Variants in RTF1 observed in about 807,000 individuals in gnomAD.
RTF1 encodes RNA polymerase-associated protein RTF1 homolog.
In RTF1, 10 loss-of-function variants were observed where a neutral mutation model predicts 95.7. The ratio of observed to expected loss-of-function variants is 0.10; its 90% CI spans 0.06 to 0.18. The LOEUF is 0.18. RTF1 is among the 10% of genes least tolerant of loss of function. The probability of loss-of-function intolerance (pLI) is 1.00; values close to 1 mark genes in which losing one functional copy is unlikely to be tolerated. For synonymous variants in RTF1, 305 were observed against 311.8 expected (o/e 0.98, Z 0.23); for missense variants, 458 against 875.6 (o/e 0.52, Z 6.02).
Position 41,476,539 on chromosome 15 carries a change from C to A in RTF1, c.1560+16C>A. Reference sequence around the variant, plus strand: ...GAAGGAAAAGGTAAGGAGTTGTACTCGAGCCTCTTTCCTCATCCTGTAAGG... The same window carrying A: ...GAAGGAAAAGGTAAGGAGTTGTACTAGAGCCTCTTTCCTCATCCTGTAAGG... On this transcript the variant is annotated intron_variant, in intron 12 of 17. Coordinates refer to ENST00000389629, the MANE Select transcript of RTF1 (RefSeq NM_015138.5). 1.9e-6 allele frequency: 3 copies of A among 1,604,028 alleles called. No homozygotes were observed. In the South Asian group the frequency reaches 3.3e-5, roughly 18 times the overall value.
At chr15:41,452,879 C>G (rs777168470) in intron 2 of RTF1, 22 bp from the exon 3 acceptor site, 21 of 1,534,944 alleles carry the variant, frequency 1.4e-5, no homozygotes, top group East Asian at 4.6e-5. Context: ...TTTCAGTCTT[C>G]CTTTTTCTTT....
intron 15 of RTF1, 140 bp downstream of exon 15, chr15:41,478,765 A>G: frequency 1.4e-6 from 1 of 735,210 alleles, no homozygotes; most frequent in Admixed American, 2.4e-5. Flanking sequence ...GGGTCTGGAT[A>G]CTTCCTTTTT....
intron 1 of RTF1, among the ~76,000 whole-genome samples, chr15:41,434,652 G>C (rs2050692672): frequency 6.6e-6 from 1 of 150,978 alleles, no homozygotes; most frequent in Non-Finnish European, 1.5e-5. Context: ...TTTTGAGATG[G>C]AGTCTTGCAC....
chr15:41,474,142 G>C (rs574564132), intron 8 of RTF1, among the ~76,000 whole-genome samples: 1 of 152,290 alleles, frequency 6.6e-6, no homozygotes, highest in Admixed American at 6.5e-5. Flanking sequence ...CTCCCAAAGT[G>C]CTGGAATTAC....
At chr15:41,452,780 A>G (rs2050795315) in intron 2 of RTF1, 121 bp from the exon 3 acceptor site, 1 of 706,926 alleles carries the variant, frequency 1.4e-6, no homozygotes, top group Non-Finnish European at 2.2e-6. Context: ...TTTTCATATG[A>G]AGTGTATTTG....
chr15:41,438,884 ATGAAAGCTAT>A (rs2050718423), intron 2 of RTF1, among the ~76,000 whole-genome samples: 2 of 151,676 alleles, frequency 1.3e-5, no homozygotes, highest in African/African-American at 4.8e-5. Context: ...AAATGGTGTA[ATGAAAGCTAT>A]TGAATGTCAT....
intron 11 of RTF1, 105 bp from the exon 12 acceptor site, chr15:41,476,341 C>A: frequency 1.2e-6 from 1 of 827,624 alleles, no homozygotes; most frequent in Non-Finnish European, 2.1e-6. Flanking sequence ...GTAGGAAGAG[C>A]AGCCCCTTTG....
At chr15:41,455,554 C>T (rs1433466536) in intron 3 of RTF1, among the ~76,000 whole-genome samples, 1 of 152,064 alleles carries the variant, frequency 6.6e-6, no homozygotes, top group African/African-American at 2.4e-5. Flanking sequence ...CCTGTAGTCC[C>T]AGCACTGTGG....
chr15:41,473,299 A>AT (rs1313817415), intron 8 of RTF1, among the ~76,000 whole-genome samples: 1 of 150,682 alleles, frequency 6.6e-6, no homozygotes, highest in Non-Finnish European at 1.5e-5. Context: ...ATGCCAGCTA[A>AT]TTTTTTGTAT....
At chr15:41,470,808 G>A (rs1028123917) in intron 7 of RTF1, among the ~76,000 whole-genome samples, 12 of 151,766 alleles carry the variant, frequency 7.9e-5, no homozygotes, top group Non-Finnish European at 1.3e-4. Context: ...ATAGGCGCCC[G>A]CCACTACGCC....
intron 1 of RTF1, among the ~76,000 whole-genome samples, chr15:41,429,338 G>A (rs1026167161): frequency 8.5e-5 from 13 of 152,120 alleles, no homozygotes; most frequent in South Asian, 6.2e-4. Flanking sequence ...CTGTCCCTGT[G>A]GCTACTTGTT....
chr15:41,423,248 A>C (rs2050611620), intron 1 of RTF1, among the ~76,000 whole-genome samples: 2 of 152,188 alleles, frequency 1.3e-5, no homozygotes, highest in Admixed American at 1.3e-4. Flanking sequence ...GTGTAGGAAG[A>C]GTTTGTGAGA....
intron 4 of RTF1, among the ~76,000 whole-genome samples, chr15:41,460,689 TA>T (rs1015384986): frequency 4.0e-5 from 6 of 151,342 alleles, no homozygotes; most frequent in East Asian, 3.9e-4. Context: ...AGTGACTTCT[TA>T]AAAAAAAATT....
intron 1 of RTF1, among the ~76,000 whole-genome samples, chr15:41,426,565 G>A (rs1221678912): frequency 4.6e-5 from 7 of 151,276 alleles, no homozygotes; most frequent in South Asian, 2.1e-4. Flanking sequence ...TCGGCTTCCC[G>A]AACTGCTAGG....
In RTF1 at chr15:41,479,172, C is replaced by T. The variant is rs931411736; in HGVS notation, c.1888C>T (p.Pro630Ser). 50 of 1,613,398 alleles carry T rather than the reference C, an allele frequency of 3.1e-5. No individual in the cohort carries two copies. The highest frequency in any genetic ancestry group is 5.0e-5 in the Admixed American group (3 of 59,994). The change falls in exon 16 of 18, where the codon CCA (proline) becomes TCA (serine). Residue 630 changes from proline to serine, a missense_variant. Physicochemically the swap from Pro to Ser is moderately conservative, Grantham distance 74. Transcript: ENST00000389629. Reference protein sequence around the residue: ...LNAKYGSGVLPDAPKEMSKGQ... With the variant: ...LNAKYGSGVLSDAPKEMSKGQ... The stretch of plus-strand genomic sequence containing the variant: ...TGCAAAATACGGTTCTGGAGTGTTA[C>T]CAGATGCTCCAAAGGAAATGAGCAA...
chr15:41,424,866 A>C (rs2050620683), intron 1 of RTF1, among the ~76,000 whole-genome samples: 1 of 151,960 alleles, frequency 6.6e-6, no homozygotes, highest in South Asian at 2.1e-4. Flanking sequence ...AAAATTAGCC[A>C]AGTGCGGTGG....
In RTF1 at chr15:41,481,625, C is replaced by T. The variant is rs548354351; in HGVS notation, c.*938C>T. On this transcript the variant is annotated 3_prime_UTR_variant, in exon 18 of 18. Transcript: ENST00000389629. Reference sequence around the variant, plus strand: ...GAGGGCAGTGAATGTCTTGCTCTTCCCATGGGTACAGCCCACAGCTTCTTG... The same window carrying T: ...GAGGGCAGTGAATGTCTTGCTCTTCTCATGGGTACAGCCCACAGCTTCTTG... The T allele has an allele frequency of 6.6e-6, 1 of 152,594 alleles. No individual in the cohort carries two copies. Among genetic ancestry groups the T allele is most frequent in the South Asian group, 2.1e-4 (1 of 4,828 alleles). The allele number at this position is 152,594 out of a possible 1,614,324, so 9.5% of individuals were successfully genotyped here.
At position 41,482,253 on chromosome 15, in the gene RTF1, G is replaced by A. The variant is rs1235908777; in HGVS notation, c.*1566G>A. The A allele has an allele frequency of 6.6e-6, 1 of 152,638 alleles. No individual in the cohort carries two copies. Among genetic ancestry groups the A allele is most frequent in the Non-Finnish European group, 1.5e-5 (1 of 68,042 alleles). 9.5% of individuals were successfully genotyped at this position (152,638 alleles called of 1,614,324 possible). On this transcript the variant is annotated 3_prime_UTR_variant, in exon 18 of 18. Transcript: ENST00000389629. Reference sequence around the variant, plus strand: ...GACTGCTTGATAATCACTCTCAGGTGTAAAGCTCCAAGTGTAAATAAAAGT... The same window carrying A: ...GACTGCTTGATAATCACTCTCAGGTATAAAGCTCCAAGTGTAAATAAAAGT...
chr15:41,449,453 G>A (rs933435408), intron 2 of RTF1, among the ~76,000 whole-genome samples: 2 of 151,892 alleles, frequency 1.3e-5, no homozygotes, highest in African/African-American at 2.4e-5. Flanking sequence ...GGATGGTGTC[G>A]ATCTCCTGAC....
Sources: gnomAD v4.1 joint callset for allele counts (sites outside exome capture counted in the v4.1 genomes callset) on GRCh38, gnomAD v4.1.1 for gene constraint, MANE v1.5 for transcripts, NCBI Gene and HGNC (gene_info 2026-07-23, HGNC 2026-07-21) for gene names.